DYNC1I1: variants seen among roughly 807,000 people sequenced by gnomAD.
DYNC1I1 encodes the protein dynein cytoplasmic 1 intermediate chain 1, also known as cytoplasmic dynein 1 intermediate chain 1.
Under a neutral mutation model 86.6 loss-of-function variants are expected in DYNC1I1, and 43 were observed. The observed-to-expected ratio is 0.50, with a 90% CI of 0.39 to 0.64. The LOEUF is 0.64. DYNC1I1 is among the 30% of genes least tolerant of loss of function. The probability of loss-of-function intolerance (pLI) is 0.00; values close to 1 mark genes in which losing one functional copy is unlikely to be tolerated. For synonymous variants in DYNC1I1, 262 were observed against 283.7 expected, an observed-to-expected ratio of 0.92 and a Z score of 0.77; for missense variants, 604 against 788.8, an observed-to-expected ratio of 0.77 and a Z score of 2.81.
chr7:95,806,225 C>T (rs1794697489), intron 2 of DYNC1I1, among the ~76,000 whole-genome samples: 1 of 152,220 alleles, frequency 6.6e-6, no homozygotes, highest in Non-Finnish European at 1.5e-5. Context: ...CTATCCTTTA[C>T]TAATAACCAG....
chr7:95,985,015 A>T, intron 8 of DYNC1I1, 38 bp downstream of exon 8: 2 of 1,597,416 alleles, frequency 1.3e-6, no homozygotes, highest in Non-Finnish European at 1.7e-6. Context: ...AAATAGCGTA[A>T]GTTATCTGTT....
intron 6 of DYNC1I1, among the ~76,000 whole-genome samples, chr7:95,897,175 A>G (rs912630626): frequency 2.0e-5 from 3 of 152,182 alleles, no homozygotes; most frequent in African/African-American, 7.2e-5. Flanking sequence ...TTATTAGCAC[A>G]TGGTCATTAA....
At chr7:96,083,566 C>G (rs2299288) in intron 16 of DYNC1I1, among the ~76,000 whole-genome samples, 1 of 152,114 alleles carries the variant, frequency 6.6e-6, no homozygotes, top group South Asian at 2.1e-4. Flanking sequence ...GAAGTGCACC[C>G]TCTAGACAAG....
chr7:95,939,844 T>C (rs891152312), intron 6 of DYNC1I1, among the ~76,000 whole-genome samples: 1 of 152,232 alleles, frequency 6.6e-6, no homozygotes, highest in Non-Finnish European at 1.5e-5. Context: ...GTCATTATGA[T>C]GTTGGCTGGT....
rs771610777 is a variant in DYNC1I1, at chr7:96,098,180, G to T, written c.*587G>T. 7.1e-6 allele frequency: 7 copies of T among 985,904 alleles called. No individual in the cohort carries two copies. The highest frequency in any genetic ancestry group is 8.4e-6 in the Non-Finnish European group (7 of 829,954). The allele number at this position is 985,904 out of a possible 1,614,324, so 61.1% of individuals were successfully genotyped here. ...ATGAGAGGACTGTATTCTCTCTGCT[G>T]CTGTTGAGGTTATATTAAGTTCCAC... On this transcript the variant is annotated 3_prime_UTR_variant, in exon 17 of 17. Transcript: ENST00000447467.
rs375715304 is a variant in DYNC1I1, at chr7:96,081,079, A to AAAAAAAAAAAAAAAAAAG, written c.1776+595_1776+596insAAAAAAAAAAAAAGAAAA. Among the ~76,000 whole-genome samples the AAAAAAAAAAAAAAAAAAG allele has an allele frequency of 9.7e-5, 13 of 133,678 alleles. 1 individual carries two copies. The highest frequency in any genetic ancestry group is 4.0e-3 in the Middle Eastern group (1 of 252). The allele number at this position is 133,678 out of a possible 152,430, so 87.7% of individuals were successfully genotyped here. On this transcript the variant is annotated intron_variant, in intron 16 of 16. Transcript: ENST00000447467. ...AGAGACTCCATCTCAAAAAAAAAAG[A>AAAAAAAAAAAAAAAAAAG]AAAAGAAAAGAAAAGAAAAGTTTGC...
At chr7:95,896,663 C>G (rs892506332) in intron 6 of DYNC1I1, among the ~76,000 whole-genome samples, 1 of 152,180 alleles carries the variant, frequency 6.6e-6, no homozygotes, top group Non-Finnish European at 1.5e-5. Flanking sequence ...TAAACAAACA[C>G]AGGCAAGGCC....
intron 6 of DYNC1I1, among the ~76,000 whole-genome samples, chr7:95,921,221 G>C (rs1791602250): frequency 6.6e-6 from 1 of 152,136 alleles, no homozygotes; most frequent in Admixed American, 6.5e-5. Context: ...AACTGGAACT[G>C]TTCATAAGAT....
At chr7:95,914,734 G>T (rs1791423912) in intron 6 of DYNC1I1, among the ~76,000 whole-genome samples, 2 of 152,170 alleles carry the variant, frequency 1.3e-5, no homozygotes, top group South Asian at 2.1e-4. Context: ...ATTGGCATTT[G>T]CATTAATTCA....
intron 6 of DYNC1I1, among the ~76,000 whole-genome samples, chr7:95,941,088 C>T (rs1792200754): frequency 1.3e-5 from 2 of 152,314 alleles, no homozygotes; most frequent in South Asian, 4.1e-4. Flanking sequence ...GCCTGGGTAC[C>T]AGCAGCGGTG....
At chr7:96,038,972 G>T (rs1310250979) in intron 13 of DYNC1I1, among the ~76,000 whole-genome samples, 1 of 152,066 alleles carries the variant, frequency 6.6e-6, no homozygotes, top group African/African-American at 2.4e-5. Context: ...TAAAATAGCT[G>T]CATCAGCAAT....
chr7:95,919,121 C>A (rs1181195608), intron 6 of DYNC1I1, among the ~76,000 whole-genome samples: 1 of 152,118 alleles, frequency 6.6e-6, no homozygotes, highest in Non-Finnish European at 1.5e-5. Context: ...TAGAGTTTTG[C>A]TGTGTATTTT....
intron 14 of DYNC1I1, among the ~76,000 whole-genome samples, chr7:96,041,746 CATTGTTTATA>C (rs1789058912): frequency 6.6e-6 from 1 of 151,940 alleles, no homozygotes; most frequent in South Asian, 2.1e-4. Flanking sequence ...AGTATATTAT[CATTGTTTATA>C]ATTATATAAT....
At chr7:95,871,535 AG>A (rs565069616) in intron 6 of DYNC1I1, among the ~76,000 whole-genome samples, 6 of 152,196 alleles carry the variant, frequency 3.9e-5, no homozygotes, top group Admixed American at 6.5e-5. Flanking sequence ...CTGTAGCTGG[AG>A]GCATGTTTAT....
chr7:96,100,213 GA>G (rs1185054667), downstream of DYNC1I1, among the ~76,000 whole-genome samples: 2 of 152,112 alleles, frequency 1.3e-5, no homozygotes, highest in Non-Finnish European at 2.9e-5. Context: ...GGAGACATAA[GA>G]CTTCTTTGAA....
chr7:95,912,470 T>G (rs1791363655), intron 6 of DYNC1I1, among the ~76,000 whole-genome samples: 1 of 152,234 alleles, frequency 6.6e-6, no homozygotes, highest in Non-Finnish European at 1.5e-5. Context: ...GTTCAGGGTG[T>G]GCAGTGCATG....
At chr7:95,814,833 A>G (rs530600914) in intron 4 of DYNC1I1, among the ~76,000 whole-genome samples, 1 of 152,270 alleles carries the variant, frequency 6.6e-6, no homozygotes, top group Non-Finnish European at 1.5e-5. Flanking sequence ...GGTTTATTTT[A>G]GCAAATCGCT....
chr7:95,788,171 T>C (rs1487705962), intron 1 of DYNC1I1, among the ~76,000 whole-genome samples: 1 of 152,146 alleles, frequency 6.6e-6, no homozygotes, highest in African/African-American at 2.4e-5. Flanking sequence ...TGCATTACTA[T>C]AGCAGCTGTG....
At chr7:95,900,248 A>G (rs1468120843) in intron 6 of DYNC1I1, among the ~76,000 whole-genome samples, 1 of 152,046 alleles carries the variant, frequency 6.6e-6, no homozygotes, top group African/African-American at 2.4e-5. Flanking sequence ...TTCCCCTTTA[A>G]TTCTTACTTC....
Sources: gnomAD v4.1 joint callset for allele counts (sites outside exome capture counted in the v4.1 genomes callset) on GRCh38, gnomAD v4.1.1 for gene constraint, MANE v1.5 for transcripts, NCBI Gene and HGNC (gene_info 2026-07-23, HGNC 2026-07-21) for gene names.